LHFPL3: variants seen among roughly 807,000 people sequenced by gnomAD.
LHFPL3 encodes the protein LHFPL tetraspan subfamily member 3 protein.
In LHFPL3, 5 loss-of-function variants were observed where a neutral mutation model predicts 19.3. The ratio of observed to expected loss-of-function variants is 0.26; its 90% CI spans 0.14 to 0.54. The LOEUF (loss-of-function observed/expected upper bound fraction) is 0.54, where lower values mean the gene tolerates loss of function less well. LHFPL3 is among the 20% of genes least tolerant of loss of function. The pLI, the probability that LHFPL3 is intolerant of heterozygous loss-of-function variation, is 0.94. For synonymous variants in LHFPL3, 133 were observed against 126.2 expected, an observed-to-expected ratio of 1.05 and a Z score of -0.36; for missense variants, 249 against 307.4, an observed-to-expected ratio of 0.81 and a Z score of 1.42.
intron 1 of LHFPL3, among the ~76,000 whole-genome samples, chr7:104,715,384 T>G (rs1793368121): frequency 6.6e-6 from 1 of 152,162 alleles, no homozygotes; most frequent in African/African-American, 2.4e-5. Flanking sequence ...TTTGAACAAT[T>G]TTTTTTACCA....
chr7:104,580,265 A>G (rs533577156), intron 1 of LHFPL3, among the ~76,000 whole-genome samples: 1 of 152,280 alleles, frequency 6.6e-6, no homozygotes, highest in South Asian at 2.1e-4. Context: ...GTAAAGGCCC[A>G]GGAGTACAGT....
intron 1 of LHFPL3, among the ~76,000 whole-genome samples, chr7:104,434,913 T>C (rs1792074174): frequency 6.6e-6 from 1 of 152,136 alleles, no homozygotes; most frequent in African/African-American, 2.4e-5. Flanking sequence ...ATATAATTAT[T>C]TTTATTAGGC....
chr7:104,494,421 T>C (rs998591280), intron 1 of LHFPL3, among the ~76,000 whole-genome samples: 7 of 152,206 alleles, frequency 4.6e-5, no homozygotes, highest in African/African-American at 1.7e-4. Context: ...ATTACCTTGC[T>C]TTCACACTGT....
chr7:104,616,034 A>G (rs977490173), intron 1 of LHFPL3, among the ~76,000 whole-genome samples: 2 of 152,242 alleles, frequency 1.3e-5, no homozygotes, highest in Admixed American at 6.5e-5. Flanking sequence ...GATAGGAAGA[A>G]TCAATATCGT....
At chr7:104,363,731 A>G (rs987125680) in intron 1 of LHFPL3, among the ~76,000 whole-genome samples, 3 of 152,240 alleles carry the variant, frequency 2.0e-5, no homozygotes, top group Non-Finnish European at 4.4e-5. Context: ...GGGACTGCAT[A>G]TAGCAGAGGG....
At chr7:104,725,770 G>A (rs969831135) in intron 1 of LHFPL3, among the ~76,000 whole-genome samples, 2 of 152,072 alleles carry the variant, frequency 1.3e-5, no homozygotes, top group East Asian at 1.9e-4. Context: ...AATTATTCTC[G>A]GCAGGGCGCG....
In LHFPL3 at chr7:104,668,592, C is replaced by T. The variant is rs1487748856; in HGVS notation, c.446-68083C>T. 10 of 1,612,538 alleles carry T rather than the reference C, an allele frequency of 6.2e-6. No individual in the cohort carries two copies. In the African/African-American group the frequency reaches 8.0e-5, roughly 13 times the overall value. ...CAGAAGAGCATTTGGCAGTGGGTAT[C>T]GCAGGGATGATGACTACAGAGAAGG... is the stretch of plus-strand genomic sequence containing the variant. On this transcript the variant is annotated intron_variant, in intron 1 of 2. Transcript: ENST00000424859.
intron 1 of LHFPL3, among the ~76,000 whole-genome samples, chr7:104,527,125 T>G (rs1330856244): frequency 6.6e-6 from 1 of 152,174 alleles, no homozygotes; most frequent in Non-Finnish European, 1.5e-5. Context: ...GAAACCAAGC[T>G]TGGTGTGCTC....
At chr7:104,587,681 T>C (rs1197977289) in intron 1 of LHFPL3, among the ~76,000 whole-genome samples, 4 of 152,086 alleles carry the variant, frequency 2.6e-5, no homozygotes, top group Non-Finnish European at 5.9e-5. Flanking sequence ...TCTAGATCCC[T>C]GAGGAATCGC....
At chr7:104,586,662 C>G (rs796239484) in intron 1 of LHFPL3, among the ~76,000 whole-genome samples, 2 of 152,106 alleles carry the variant, frequency 1.3e-5, no homozygotes, top group African/African-American at 2.4e-5. Flanking sequence ...GTGAAAACAT[C>G]TTTCACATTT....
rs181054713 is a variant in LHFPL3, at chr7:104,388,112, T to C, written c.445+58888T>C. ...TCCATCCATGTTGCTTCAAAGGACA[T>C]GATCTCACTCCTTTTTATGGCTGCC... is the stretch of plus-strand genomic sequence containing the variant. On this transcript the variant is annotated intron_variant, in intron 1 of 2. Transcript: ENST00000424859. Among the ~76,000 whole-genome samples, 334 of 152,294 alleles carry C rather than the reference T, an allele frequency of 2.2e-3. 1 individual carries two copies. The highest frequency in any genetic ancestry group is 3.7e-3 in the Admixed American group (56 of 15,284).
chr7:104,361,664 G>T (rs1248774142), intron 1 of LHFPL3, among the ~76,000 whole-genome samples: 3 of 152,134 alleles, frequency 2.0e-5, no homozygotes, highest in African/African-American at 7.2e-5. Context: ...CACAGAGAAG[G>T]CCTTGAGGAA....
intron 1 of LHFPL3, among the ~76,000 whole-genome samples, chr7:104,457,032 G>A (rs1336846652): frequency 6.6e-6 from 1 of 152,128 alleles, no homozygotes; most frequent in Admixed American, 6.6e-5. Flanking sequence ...GTTAGGAGAT[G>A]TTGCCAATGA....
chr7:104,436,913 A>G (rs1465755497), intron 1 of LHFPL3, among the ~76,000 whole-genome samples: 2 of 152,214 alleles, frequency 1.3e-5, no homozygotes. Context: ...AAAGTTTGAG[A>G]CTTTTTAGAG....
At chr7:104,862,919 G>C (rs1281290132) in intron 2 of LHFPL3, among the ~76,000 whole-genome samples, 1 of 152,208 alleles carries the variant, frequency 6.6e-6, no homozygotes, top group African/African-American at 2.4e-5. Context: ...CTGGTGGTCT[G>C]ATACAGTAAC....
intron 1 of LHFPL3, among the ~76,000 whole-genome samples, chr7:104,733,150 G>T (rs1208688667): frequency 6.6e-6 from 1 of 152,086 alleles, no homozygotes; most frequent in Non-Finnish European, 1.5e-5. Context: ...CCAACTATGT[G>T]GTCAATTTTG....
intron 1 of LHFPL3, among the ~76,000 whole-genome samples, chr7:104,733,897 G>C (rs1303100725): frequency 6.6e-6 from 1 of 152,194 alleles, no homozygotes; most frequent in Non-Finnish European, 1.5e-5. Context: ...TCCTTCAGGA[G>C]CTCTTGTAGG....
At chr7:104,873,858 C>A (rs6963979) in intron 2 of LHFPL3, among the ~76,000 whole-genome samples, 40,499 of 152,042 alleles carry the variant, frequency 0.27, 5,676 homozygotes, top group East Asian at 0.43. Flanking sequence ...GTTATCTGCA[C>A]CCATTTAACA....
intron 1 of LHFPL3, among the ~76,000 whole-genome samples, chr7:104,363,009 T>C (rs559287828): frequency 7.2e-4 from 110 of 152,366 alleles, no homozygotes; most frequent in Non-Finnish European, 1.3e-3. Context: ...ATAGGAACAA[T>C]TGGGCAGGTT....
Sources: allele counts gnomAD v4.1 joint callset (sites outside exome capture counted in the v4.1 genomes callset), GRCh38; gene constraint gnomAD v4.1.1; transcripts MANE v1.5; gene names NCBI Gene and HGNC (gene_info 2026-07-23, HGNC 2026-07-21).